Variants in STAG2 observed in about 807,000 individuals in gnomAD.
STAG2 encodes the protein cohesin subunit SA-2.
In STAG2, 14 loss-of-function variants were observed where a neutral mutation model predicts 108.1. The observed-to-expected ratio is 0.13, with a 90% confidence interval of 0.09 to 0.20. STAG2 has a LOEUF of 0.20. Ranked by LOEUF, STAG2 falls within the 10% of genes least tolerant of loss-of-function variation. The probability of loss-of-function intolerance (pLI) is 1.00; values close to 1 mark genes in which losing one functional copy is unlikely to be tolerated. For missense variants in STAG2, 440 were observed against 940.9 expected, an observed-to-expected ratio of 0.47 and a Z score of 6.96; for synonymous variants, 307 against 302.7, an observed-to-expected ratio of 1.01 and a Z score of -0.15.
intron 1 of STAG2, among the ~76,000 whole-genome samples, chrX:123,984,369 G>A (rs1490965154): frequency 8.9e-6 from 1 of 111,800 alleles, no homozygotes; most frequent in Non-Finnish European, 1.9e-5. Flanking sequence ...AATCATGCAT[G>A]TTACATTACA....
chrX:124,062,950 A>C lies in STAG2; in HGVS notation c.1687A>C (p.Ile563Leu). 8.3e-7 allele frequency: 1 copy of C among 1,211,904 alleles called. No homozygotes were observed. Among genetic ancestry groups the C allele is most frequent in the Non-Finnish European group, 1.1e-6 (1 of 895,371 alleles). ...KKTQLDDRTK[I>L]TELFAVALPQ... ...GACACAGTTGGATGATAGGACAAAA[A>C]TCACTGAGCTTTTTGCCGTGGCCCT... Residue 563 changes from isoleucine (I) to leucine (L), a missense_variant, in exon 18 of 35, where the codon ATC becomes CTC. By Grantham distance (5) the Ile-to-Leu change is conservative. Around this residue, in one of 3 missense-constraint regions of STAG2, gnomAD observed 337 missense variants for 649.3 expected, o/e 0.52. Coordinates refer to ENST00000371145, the MANE Select transcript of STAG2 (RefSeq NM_001042750.2).
At chrX:124,028,794 T>TTTTATA (rs2057194092) in intron 4 of STAG2, among the ~76,000 whole-genome samples, 1 of 75,090 alleles carries the variant, frequency 1.3e-5, no homozygotes, top group African/African-American at 5.8e-5. Context: ...TAAGAATAGT[T>TTTTATA]TATATATATA....
At chrX:124,083,959 A>G (rs923590262) in intron 29 of STAG2, among the ~76,000 whole-genome samples, 1 of 111,425 alleles carries the variant, frequency 9.0e-6, no homozygotes, top group Non-Finnish European at 1.9e-5. Flanking sequence ...CCTTAACCCA[A>G]CTAAGGAGGG....
At position 124,056,244 on chromosome X, in the gene STAG2, A is replaced by G. The variant is rs1300056775; in HGVS notation, c.1304+9A>G. The G allele has an allele frequency of 1.7e-6, 2 of 1,147,765 alleles. No individual in the cohort carries two copies. The highest frequency in any genetic ancestry group is 2.4e-6 in the Non-Finnish European group (2 of 843,027). 94.6% of individuals were successfully genotyped at this position (1,147,765 alleles called of 1,213,427 possible). A position where few individuals can be genotyped will look rare whatever the true frequency, so the allele number is the denominator to read the frequency against. ...GAATTTCTCTACAAAAAGTAAATCT[A>G]TATATCTGTTACTCATTTTCTAAGG... On this transcript the variant is annotated intron_variant, in intron 14 of 34. Coordinates refer to ENST00000371145, the MANE Select transcript of STAG2 (RefSeq NM_001042750.2).
chrX:123,973,398 C>T (rs748451447), intron 1 of STAG2, among the ~76,000 whole-genome samples: 5 of 108,131 alleles, frequency 4.6e-5, no homozygotes, highest in Non-Finnish European at 9.6e-5. Context: ...AAAAATTAGC[C>T]GGGCATGGTG....
chrX:124,072,449 C>G (rs779374615), intron 25 of STAG2, among the ~76,000 whole-genome samples: 1 of 111,010 alleles, frequency 9.0e-6, no homozygotes, highest in Non-Finnish European at 1.9e-5. Context: ...AATGAGAAAC[C>G]CAGAGTAGCC....
intron 3 of STAG2, among the ~76,000 whole-genome samples, chrX:124,025,219 C>T: frequency 9.0e-6 from 1 of 111,386 alleles, no homozygotes; most frequent in East Asian, 2.8e-4. Flanking sequence ...TACTTAGTAC[C>T]AAAACTGTTC....
chrX:124,092,576 G>A (rs1258510563), intron 32 of STAG2, among the ~76,000 whole-genome samples: 1 of 112,001 alleles, frequency 8.9e-6, no homozygotes, highest in Admixed American at 9.5e-5. Flanking sequence ...GCAACTACAA[G>A]AAATTATCTC....
At chrX:123,988,697 C>T (rs1269544655) in intron 1 of STAG2, among the ~76,000 whole-genome samples, 1 of 111,626 alleles carries the variant, frequency 9.0e-6, no homozygotes, top group Non-Finnish European at 1.9e-5. Context: ...AGTTTGATTT[C>T]TTCTCTTTTT....
intron 34 of STAG2, among the ~76,000 whole-genome samples, chrX:124,097,476 G>A (rs967351771): frequency 4.5e-5 from 5 of 111,627 alleles, no homozygotes; most frequent in Admixed American, 3.8e-4. Flanking sequence ...TTTCAAGCAG[G>A]TGCGATGAAA....
Position 124,101,073 on chromosome X carries a change from G to A in STAG2, c.*476G>A. 6.6e-6 allele frequency: 1 copy of A among 151,829 alleles called. No individual in the cohort carries two copies. The highest frequency in any genetic ancestry group is 1.3e-5 in the Non-Finnish European group (1 of 76,748). The allele number at this position is 151,829 out of a possible 1,213,427, so 12.5% of individuals were successfully genotyped here. A position where few individuals can be genotyped will look rare whatever the true frequency, so the allele number is the denominator to read the frequency against. On this transcript the variant is annotated 3_prime_UTR_variant, in exon 35 of 35. Coordinates refer to ENST00000371145, the MANE Select transcript of STAG2 (RefSeq NM_001042750.2). ...AAAGTGTAGGATAGAATTGTTTTTAGCATTCTAAATTTAAATGCTTAAAAC... is the reference window on the plus strand; with the variant it reads ...AAAGTGTAGGATAGAATTGTTTTTAACATTCTAAATTTAAATGCTTAAAAC...
chrX:124,031,311 T>A (rs184248524), intron 5 of STAG2, among the ~76,000 whole-genome samples, 186 bp downstream of exon 5: 1 of 111,945 alleles, frequency 8.9e-6, no homozygotes, highest in Non-Finnish European at 1.9e-5. Context: ...TGCTGTGTTT[T>A]GATTCATTTT....
intron 13 of STAG2, among the ~76,000 whole-genome samples, chrX:124,054,921 C>T (rs1158153979): frequency 1.8e-5 from 2 of 110,511 alleles, no homozygotes; most frequent in East Asian, 2.8e-4. Flanking sequence ...CCACCATGTC[C>T]GGCTAATTTT....
At chrX:124,031,147 C>T in intron 5 of STAG2, 22 bp downstream of exon 5, 3 of 1,185,141 alleles carry the variant, frequency 2.5e-6, no homozygotes, top group Non-Finnish European at 3.4e-6. Flanking sequence ...GTTGTTCTTC[C>T]CAGTTCATTT....
chrX:124,045,642 G>T (rs2057851121), intron 8 of STAG2, among the ~76,000 whole-genome samples: 1 of 111,122 alleles, frequency 9.0e-6, no homozygotes, highest in Non-Finnish European at 1.9e-5. Context: ...CAATAGGTAT[G>T]TGTTGGGTTC....
intron 5 of STAG2, among the ~76,000 whole-genome samples, chrX:124,032,662 C>T: frequency 9.0e-6 from 1 of 111,494 alleles, no homozygotes; most frequent in Middle Eastern, 4.6e-3. Flanking sequence ...ATTTAGCTTC[C>T]ACTTACAAGT....
chrX:123,993,578 A>G lies in STAG2; in HGVS notation c.-162-27789A>G, dbSNP rs139569776. 1.1e-3 allele frequency among the ~76,000 whole-genome samples: 124 copies of G among 111,055 alleles called. 1 individual carries two copies. Among genetic ancestry groups the G allele is most frequent in the Non-Finnish European group, 2.1e-3 (109 of 52,974 alleles). On this transcript the variant is annotated intron_variant, in intron 1 of 34. Coordinates refer to ENST00000371145, the MANE Select transcript of STAG2 (RefSeq NM_001042750.2). ...TAATGTTCAGATGATTAAGTGGCCC[A>G]AGGCAGGAAGCAGGGAGAATGTTTG...
intron 4 of STAG2, among the ~76,000 whole-genome samples, chrX:124,027,881 C>G (rs958699978): frequency 1.8e-5 from 2 of 110,757 alleles, no homozygotes; most frequent in Non-Finnish European, 1.9e-5. Flanking sequence ...CACAGGTTAG[C>G]GTATTTGCTT....
chrX:124,021,060 G>T (rs913340508), intron 1 of STAG2, among the ~76,000 whole-genome samples: 3 of 112,504 alleles, frequency 2.7e-5, no homozygotes, highest in African/African-American at 9.7e-5. Context: ...TTAATTTGTG[G>T]ATTATTCATT....
Sources: gnomAD v4.1 joint callset for allele counts (sites outside exome capture counted in the v4.1 genomes callset) on GRCh38, gnomAD v4.1.1 for gene constraint, gnomAD v4.1.1 regional missense constraint, MANE v1.5 for transcripts, NCBI Gene and HGNC (gene_info 2026-07-23, HGNC 2026-07-21) for gene names.